The following DCC variants were observed in gnomAD, a reference collection of about 807,000 sequenced individuals.
The protein encoded by DCC is DCC netrin 1 receptor.
Under a neutral mutation model 172.5 loss-of-function variants are expected in DCC, and 58 were observed. The ratio of observed to expected loss-of-function variants is 0.34; its 90% CI spans 0.27 to 0.42. The LOEUF is 0.42. Ranked by LOEUF, DCC falls within the 10% of genes least tolerant of loss-of-function variation. The pLI, the probability that DCC is intolerant of heterozygous loss-of-function variation, is 1.00. For synonymous variants in DCC, 709 were observed against 644.5 expected, an observed-to-expected ratio of 1.10 and a Z score of -1.52; for missense variants, 1,740 against 1,791.0, an observed-to-expected ratio of 0.97 and a Z score of 0.51.
chr18:52,969,521 G>A (rs939539369), intron 5 of DCC, among the ~76,000 whole-genome samples: 16 of 150,122 alleles, frequency 1.1e-4, no homozygotes, highest in African/African-American at 3.9e-4. Flanking sequence ...AACCTACTTA[G>A]TTGACTTACT....
chr18:53,177,506 G>T (rs1270970013), intron 8 of DCC, among the ~76,000 whole-genome samples: 1 of 152,060 alleles, frequency 6.6e-6, no homozygotes, highest in African/African-American at 2.4e-5. Context: ...AACTATTTCT[G>T]ACTCTATAAG....
intron 1 of DCC, among the ~76,000 whole-genome samples, chr18:52,429,045 CTATCTA>C (rs1476433104): frequency 6.6e-6 from 1 of 152,084 alleles, no homozygotes; most frequent in Non-Finnish European, 1.5e-5. Flanking sequence ...TTTACTTCTG[CTATCTA>C]AACATCCCCT....
At chr18:53,094,053 C>T (rs930656130) in intron 7 of DCC, among the ~76,000 whole-genome samples, 5 of 152,092 alleles carry the variant, frequency 3.3e-5, no homozygotes, top group Admixed American at 1.3e-4. Flanking sequence ...TGTTTAAAAT[C>T]GGAATTTTAA....
chr18:53,075,306 G>C (rs763637364), intron 7 of DCC, among the ~76,000 whole-genome samples: 1 of 152,172 alleles, frequency 6.6e-6, no homozygotes, highest in Non-Finnish European at 1.5e-5. Context: ...AGCAAATAAA[G>C]GCTTGTCATT....
intron 25 of DCC, among the ~76,000 whole-genome samples, chr18:53,484,150 T>A (rs1287716235): frequency 6.6e-6 from 1 of 151,922 alleles, no homozygotes; most frequent in African/African-American, 2.4e-5. Flanking sequence ...TTTGATAATT[T>A]TTCAACTAAC....
rs564004587 is a variant in DCC, at chr18:52,830,472, C to T, written c.413-75572C>T. On this transcript the variant is annotated intron_variant, in intron 2 of 28. Coordinates refer to ENST00000442544, the MANE Select transcript of DCC (RefSeq NM_005215.4). The stretch of plus-strand genomic sequence containing the variant: ...GATGTCTTACTATTTAATAGGATCC[C>T]TCTGGCTGCTGAGTTGAGAATAGTC... Among the ~76,000 whole-genome samples, 20 of 152,204 alleles carry T rather than the reference C, an allele frequency of 1.3e-4. 1 individual carries two copies. Among genetic ancestry groups the T allele is most frequent in the African/African-American group, 4.8e-4 (20 of 41,514 alleles).
At chr18:53,351,291 G>GTATATATA (rs147758557) in intron 15 of DCC, among the ~76,000 whole-genome samples, 820 of 34,358 alleles carry the variant, frequency 0.024, 54 homozygotes, top group South Asian at 0.039. Flanking sequence ...ATTGAGTACA[G>GTATATATA]TATATATATA....
At chr18:52,857,133 A>T (rs551526250) in intron 2 of DCC, among the ~76,000 whole-genome samples, 2 of 152,232 alleles carry the variant, frequency 1.3e-5, no homozygotes, top group African/African-American at 4.8e-5. Flanking sequence ...TAAAAAAATA[A>T]TATCATGTAT....
At chr18:52,949,939 A>G (rs750593530) in intron 5 of DCC, among the ~76,000 whole-genome samples, 51 of 152,198 alleles carry the variant, frequency 3.4e-4, no homozygotes, top group African/African-American at 1.2e-3. Flanking sequence ...AAGCCCCATT[A>G]GTAATACAGT....
chr18:53,450,735 C>T, intron 23 of DCC, 73 bp downstream of exon 23: 1 of 1,253,490 alleles, frequency 8.0e-7, no homozygotes, highest in South Asian at 1.2e-5. Context: ...GGTCCTCTTT[C>T]TGCGTTCTTT....
chr18:52,603,591 T>TACACACACACAC (rs10553153), intron 1 of DCC, among the ~76,000 whole-genome samples: 57 of 144,700 alleles, frequency 3.9e-4, no homozygotes, highest in African/African-American at 1.3e-3. Flanking sequence ...GTGAAGTTAA[T>TACACACACACAC]ACACACACAC....
At chr18:52,524,412 G>A (rs1332679796) in intron 1 of DCC, among the ~76,000 whole-genome samples, 1 of 152,142 alleles carries the variant, frequency 6.6e-6, no homozygotes, top group Non-Finnish European at 1.5e-5. Context: ...AAGTATAACT[G>A]CATTTCCCTT....
chr18:52,523,485 ATTGT>A (rs1298136115), intron 1 of DCC, among the ~76,000 whole-genome samples: 1 of 152,214 alleles, frequency 6.6e-6, no homozygotes, highest in Non-Finnish European at 1.5e-5. Context: ...TTAGAAACAA[ATTGT>A]TTATTTTAGA....
chr18:53,337,644 T>C (rs976519063), intron 14 of DCC, among the ~76,000 whole-genome samples: 1 of 152,122 alleles, frequency 6.6e-6, no homozygotes, highest in Non-Finnish European at 1.5e-5. Flanking sequence ...AGGGCCATCT[T>C]TGGGGGAAAA....
chr18:52,780,207 T>A (rs2037511468), intron 2 of DCC, among the ~76,000 whole-genome samples: 1 of 152,310 alleles, frequency 6.6e-6, no homozygotes, highest in Non-Finnish European at 1.5e-5. Flanking sequence ...TTCCTTTATA[T>A]GAGATTCAAT....
At chr18:53,073,373 A>C (rs1270452558) in intron 7 of DCC, among the ~76,000 whole-genome samples, 1 of 152,004 alleles carries the variant, frequency 6.6e-6, no homozygotes, top group Non-Finnish European at 1.5e-5. Context: ...AAAATACAAA[A>C]AGTTAGCCGG....
intron 26 of DCC, among the ~76,000 whole-genome samples, chr18:53,487,529 C>CTTTTTTT (rs34404262): frequency 8.3e-6 from 1 of 120,220 alleles, no homozygotes; most frequent in African/African-American, 3.0e-5. Flanking sequence ...CCATTTGACT[C>CTTTTTTT]TTTTTTTTTT....
chr18:53,063,442 G>A lies in DCC; in HGVS notation c.1123G>A (p.Asp375Asn), dbSNP rs1488881163. 2.5e-6 allele frequency: 4 copies of A among 1,609,702 alleles called. No individual in the cohort carries two copies. The East Asian group carries it at 6.7e-5, about 27-fold the overall frequency. Reference sequence around the variant, plus strand: ...GAATGGAGATGTGGTCATTCCTAGTGATTATTTTCAGATAGTGGTAATTAT... The same window carrying A: ...GAATGGAGATGTGGTCATTCCTAGTAATTATTTTCAGATAGTGGTAATTAT... ...MKNGDVVIPS[D>N]YFQIVGGSNL... The change falls in exon 6 of 29, where the codon GAT (aspartate) becomes AAT (asparagine). Residue 375 changes from aspartate (D) to asparagine (N), a missense_variant. By Grantham distance (23) the Asp-to-Asn change is conservative. Coordinates refer to ENST00000442544, the MANE Select transcript of DCC (RefSeq NM_005215.4).
intron 8 of DCC, among the ~76,000 whole-genome samples, chr18:53,162,605 A>G (rs1049337102): frequency 1.3e-5 from 2 of 152,124 alleles, no homozygotes; most frequent in African/African-American, 4.8e-5. Context: ...AATATTCAAG[A>G]ATCTTCCTCT....
Sources: allele counts gnomAD v4.1 joint callset (sites outside exome capture counted in the v4.1 genomes callset), GRCh38; gene constraint gnomAD v4.1.1; transcripts MANE v1.5; gene names NCBI Gene and HGNC (gene_info 2026-07-23, HGNC 2026-07-21).